CHCT1: variants seen among roughly 807,000 people sequenced by gnomAD.
CHCT1 encodes CHD1 helical C-terminal domain containing protein 1.
the CHCT1 span, chr17:60,426,333 G>A: frequency 2.6e-6 from 4 of 1,550,676 alleles, no homozygotes; most frequent in East Asian, 4.9e-5. Flanking sequence ...AAACACTGGA[G>A]AAAGTAGGGC....
At chr17:60,421,279 G>A in the CHCT1 span, 1 of 809,364 alleles carries the variant, frequency 1.2e-6, no homozygotes, top group Non-Finnish European at 1.5e-6. Context: ...ACAACAAGAC[G>A]TTTGCTGAAC....
At chr17:60,422,387 G>C in the CHCT1 span, 2 of 1,326,454 alleles carry the variant, frequency 1.5e-6, no homozygotes, top group Non-Finnish European at 2.0e-6. Context: ...CCAGCTGGAG[G>C]GGCCAGCTGC....
At chr17:60,431,081 T>C in the CHCT1 span, 2 of 789,588 alleles carry the variant, frequency 2.5e-6, no homozygotes, top group Non-Finnish European at 4.1e-6. Flanking sequence ...GATTTTGCTA[T>C]TCTTCCTCTC....
At chr17:60,425,825 C>T in the CHCT1 span, 2 of 1,551,754 alleles carry the variant, frequency 1.3e-6, no homozygotes, top group Non-Finnish European at 1.7e-6. Flanking sequence ...CAGCGCCAGC[C>T]CTGCTAGAGA....
At chr17:60,426,612 G>A in the CHCT1 span, 3 of 1,462,834 alleles carry the variant, frequency 2.1e-6, no homozygotes, top group Non-Finnish European at 9.2e-7. Flanking sequence ...ACCCCAAAGG[G>A]GCATGTGGCC....
the CHCT1 span, among the ~76,000 whole-genome samples, chr17:60,428,398 C>T: frequency 2.0e-5 from 3 of 151,972 alleles, no homozygotes; most frequent in East Asian, 1.9e-4. Context: ...GAACATGTAA[C>T]GATTGGAGAA....
the CHCT1 span, chr17:60,426,516 C>T: frequency 9.6e-7 from 1 of 1,045,958 alleles, no homozygotes; most frequent in Non-Finnish European, 1.4e-6. Context: ...TTGTCTCTGA[C>T]TGAACAACTG....
At chr17:60,426,197 C>G in the CHCT1 span, 4 of 1,551,756 alleles carry the variant, frequency 2.6e-6, no homozygotes, top group South Asian at 2.4e-5. Flanking sequence ...GAAGTTCCTG[C>G]GAAAGTTGCA....
At chr17:60,426,386 C>A in the CHCT1 span, 1 of 1,485,278 alleles carries the variant, frequency 6.7e-7, no homozygotes, top group African/African-American at 1.4e-5. Flanking sequence ...TGGGCAACCC[C>A]CTCTTCATTC....
chr17:60,426,722 C>T, the CHCT1 span: 4 of 1,610,058 alleles, frequency 2.5e-6, no homozygotes, highest in African/African-American at 1.3e-5. Context: ...TTGCAGGATG[C>T]TCTGGCGGTT....
At chr17:60,426,132 G>T in the CHCT1 span, 1 of 1,547,780 alleles carries the variant, frequency 6.5e-7, no homozygotes. Flanking sequence ...TTCTCCCATG[G>T]CCCCTCACCT....
the CHCT1 span, among the ~76,000 whole-genome samples, chr17:60,427,978 TA>T: frequency 1.1e-4 from 16 of 152,172 alleles, no homozygotes; most frequent in Non-Finnish European, 2.2e-4. Flanking sequence ...ATTTTCATAC[TA>T]GGTTTCATTA....
chr17:60,430,121 G>GT, the CHCT1 span, among the ~76,000 whole-genome samples: 1 of 97,300 alleles, frequency 1.0e-5, no homozygotes, highest in African/African-American at 7.4e-5. Flanking sequence ...CACGCACCTG[G>GT]CTTTTTTTTT....
At chr17:60,425,100 T>G in the CHCT1 span, among the ~76,000 whole-genome samples, 2 of 152,132 alleles carry the variant, frequency 1.3e-5, no homozygotes, top group African/African-American at 4.8e-5. Flanking sequence ...GACCAATCAA[T>G]GGCCCCAGTT....
the CHCT1 span, chr17:60,426,396 C>T: frequency 1.6e-5 from 23 of 1,447,792 alleles, no homozygotes; most frequent in Non-Finnish European, 2.1e-5. Context: ...CCTCTTCATT[C>T]AAGGGGACAC....
At chr17:60,425,972 A>G in the CHCT1 span, 2 of 1,312,240 alleles carry the variant, frequency 1.5e-6, no homozygotes, top group Non-Finnish European at 2.1e-6. Context: ...TCAGACCCAC[A>G]GCGCATTGCC....
chr17:60,426,579 C>G, the CHCT1 span: 1 of 1,260,122 alleles, frequency 7.9e-7, no homozygotes, highest in South Asian at 1.5e-5. Context: ...CAAATCCCCA[C>G]CCCTCCATTC....
the CHCT1 span, among the ~76,000 whole-genome samples, chr17:60,427,031 T>C: frequency 1.3e-5 from 2 of 152,094 alleles, no homozygotes; most frequent in Non-Finnish European, 2.9e-5. Flanking sequence ...CCATATATAT[T>C]TGATGCACGG....
the CHCT1 span, among the ~76,000 whole-genome samples, chr17:60,429,794 A>C: frequency 6.6e-6 from 1 of 151,620 alleles, no homozygotes; most frequent in African/African-American, 2.4e-5. Context: ...CTCATTATAG[A>C]AAGGTTTTTG....
Sources: allele counts gnomAD v4.1 joint callset (sites outside exome capture counted in the v4.1 genomes callset), GRCh38; gene constraint gnomAD v4.1.1; transcripts MANE v1.5; gene names NCBI Gene and HGNC (gene_info 2026-07-23, HGNC 2026-07-21).